The following ARL14EPL variants were observed in gnomAD, a reference collection of about 807,000 sequenced individuals.
ARL14EPL encodes the protein ARL14 effector protein-like.
A neutral mutation model predicts 15.9 loss-of-function variants in ARL14EPL; 17 were observed. The observed-to-expected ratio is 1.07, with a 90% CI of 0.73 to 1.60. The LOEUF is 1.60. ARL14EPL is among the 40% of genes most tolerant of loss of function. The pLI is 0.00. For synonymous variants in ARL14EPL, 78 were observed against 63.8 expected, an observed-to-expected ratio of 1.22 and a Z score of -1.06; for missense variants, 214 against 185.9, an observed-to-expected ratio of 1.15 and a Z score of -0.88.
At chr5:116,037,788 C>A (rs776233161) in intron 1 of ARL14EPL, among the ~76,000 whole-genome samples, 6 of 152,058 alleles carry the variant, frequency 3.9e-5, no homozygotes, top group Non-Finnish European at 8.8e-5. Context: ...TCCAGAGATA[C>A]CTATGATTAC....
chr5:116,050,815 TTA>T (rs1388006462), intron 1 of ARL14EPL, among the ~76,000 whole-genome samples: 3 of 126,016 alleles, frequency 2.4e-5, no homozygotes, highest in South Asian at 2.6e-4. Flanking sequence ...TCTCTCTCTC[TTA>T]CACACACACA....
chr5:116,052,279 C>A, intron 2 of ARL14EPL: 1 of 1,514,528 alleles, frequency 6.6e-7, no homozygotes, highest in Non-Finnish European at 9.2e-7. Context: ...CGTCCTTGGG[C>A]GGCATTGCGA....
At chr5:116,034,977 T>C (rs1476623852) in intron 1 of ARL14EPL, among the ~76,000 whole-genome samples, 3 of 152,184 alleles carry the variant, frequency 2.0e-5, no homozygotes, top group Non-Finnish European at 4.4e-5. Flanking sequence ...TGAAGGAGTA[T>C]AAGATTTTCA....
intron 1 of ARL14EPL, among the ~76,000 whole-genome samples, chr5:116,042,917 T>C (rs896264412): frequency 8.5e-5 from 13 of 152,144 alleles, no homozygotes; most frequent in Non-Finnish European, 1.8e-4. Flanking sequence ...ATTTTGGAAA[T>C]TGTCTTATAT....
chr5:116,042,096 G>C (rs1749171220), intron 1 of ARL14EPL, among the ~76,000 whole-genome samples: 1 of 152,106 alleles, frequency 6.6e-6, no homozygotes, highest in East Asian at 1.9e-4. Flanking sequence ...CTCCCAATGT[G>C]CTGTGATTAC....
intron 1 of ARL14EPL, among the ~76,000 whole-genome samples, chr5:116,041,323 G>A (rs997776727): frequency 6.6e-6 from 1 of 152,100 alleles, no homozygotes; most frequent in African/African-American, 2.4e-5. Context: ...TTTTCAATAT[G>A]TAAAAATATA....
intron 3 of ARL14EPL, among the ~76,000 whole-genome samples, chr5:116,057,446 G>A (rs189349625): frequency 7.9e-5 from 12 of 151,776 alleles, no homozygotes; most frequent in African/African-American, 1.9e-4. Context: ...CAAATGGGCC[G>A]GAAACCATAA....
At chr5:116,048,511 C>T (rs1949018) in intron 1 of ARL14EPL, among the ~76,000 whole-genome samples, 152,221 of 152,282 alleles carry the variant, frequency 1, 76,080 homozygotes, top group Middle Eastern at 1. Context: ...AACCTGTAAG[C>T]TGAGAAAGGA....
At chr5:116,038,217 T>A (rs1477207509) in intron 1 of ARL14EPL, among the ~76,000 whole-genome samples, 1 of 152,214 alleles carries the variant, frequency 6.6e-6, no homozygotes, top group Non-Finnish European at 1.5e-5. Flanking sequence ...AATGTCCTAG[T>A]TGCTGTGGCA....
At chr5:116,057,371 T>C (rs1313699844) in intron 3 of ARL14EPL, among the ~76,000 whole-genome samples, 1 of 151,562 alleles carries the variant, frequency 6.6e-6, no homozygotes, top group Non-Finnish European at 1.5e-5. Context: ...TATCTGTGCA[T>C]GTAGTGTATA....
intron 1 of ARL14EPL, among the ~76,000 whole-genome samples, chr5:116,048,131 T>A (rs1390784808): frequency 1.3e-5 from 2 of 152,150 alleles, no homozygotes; most frequent in African/African-American, 2.4e-5. Context: ...GCTCTAGGAG[T>A]CTGATGCTTG....
intron 3 of ARL14EPL, 130 bp downstream of exon 3, chr5:116,054,283 T>A: frequency 9.5e-7 from 1 of 1,057,928 alleles, no homozygotes; most frequent in Non-Finnish European, 1.3e-6. Context: ...AATATAATAG[T>A]ACCCATGTGT....
chr5:116,058,806 G>C lies in ARL14EPL; in HGVS notation c.318G>C (p.Leu106=), dbSNP rs1749580831. ...DLCDCLEKNC[L]GCFYPCPKCN... is the part of the protein sequence containing the mutation. ...GTGATTGTCTAGAGAAGAACTGCCT[G>C]GGCTGCTTCTACCCATGCCCGAAGT... is the stretch of plus-strand genomic sequence containing the variant. The change falls in exon 4 of 4, where the codon CTG becomes CTC. Residue 106 remains leucine, a synonymous_variant. Transcript: ENST00000686077. 6.5e-7 allele frequency: 1 copy of C among 1,535,984 alleles called. No homozygotes were observed. The highest frequency in any genetic ancestry group is 8.7e-7 in the Non-Finnish European group (1 of 1,146,900).
intron 1 of ARL14EPL, among the ~76,000 whole-genome samples, chr5:116,048,926 G>T (rs142420640): frequency 6.6e-6 from 1 of 152,176 alleles, no homozygotes; most frequent in African/African-American, 2.4e-5. Flanking sequence ...ATGTCTGGGA[G>T]GGGGAGATAA....
intron 1 of ARL14EPL, among the ~76,000 whole-genome samples, chr5:116,050,839 A>ACG (rs1409612854): frequency 6.3e-4 from 95 of 151,614 alleles, no homozygotes; most frequent in African/African-American, 2.2e-3. Context: ...GCACACACAC[A>ACG]CACACACACA....
intron 1 of ARL14EPL, among the ~76,000 whole-genome samples, chr5:116,044,831 C>A (rs1749233331): frequency 6.6e-6 from 1 of 152,156 alleles, no homozygotes; most frequent in African/African-American, 2.4e-5. Flanking sequence ...ACCTTTGAGG[C>A]CTTCTCATTT....
intron 1 of ARL14EPL, among the ~76,000 whole-genome samples, chr5:116,041,192 A>T (rs1749150833): frequency 6.6e-6 from 1 of 152,046 alleles, no homozygotes; most frequent in Non-Finnish European, 1.5e-5. Flanking sequence ...AAAGTTCACA[A>T]TTTATTTTAG....
chr5:116,035,668 T>A (rs1180539064), intron 1 of ARL14EPL, among the ~76,000 whole-genome samples: 1 of 152,132 alleles, frequency 6.6e-6, no homozygotes, highest in Non-Finnish European at 1.5e-5. Context: ...CTTCAGAATC[T>A]CAGAGATAGG....
At chr5:116,039,876 C>G (rs1749117327) in intron 1 of ARL14EPL, among the ~76,000 whole-genome samples, 1 of 152,120 alleles carries the variant, frequency 6.6e-6, no homozygotes. Flanking sequence ...GATTACATTC[C>G]TAGAAAAATA....
Sources: allele counts gnomAD v4.1 joint callset (sites outside exome capture counted in the v4.1 genomes callset), GRCh38; gene constraint gnomAD v4.1.1; transcripts MANE v1.5; gene names NCBI Gene and HGNC (gene_info 2026-07-23, HGNC 2026-07-21).